Variants in SEMA6D observed in about 807,000 individuals in gnomAD.
The protein encoded by SEMA6D is semaphorin-6D.
A neutral mutation model predicts 106.6 loss-of-function variants in SEMA6D; 35 were observed. The ratio of observed to expected loss-of-function variants is 0.33; its 90% CI spans 0.25 to 0.44. The LOEUF (loss-of-function observed/expected upper bound fraction) is 0.44. Ranked by LOEUF, SEMA6D falls within the 20% of genes least tolerant of loss-of-function variation. The probability of loss-of-function intolerance (pLI) is 1.00; values close to 1 mark genes in which losing one functional copy is unlikely to be tolerated. For synonymous variants in SEMA6D, 499 were observed against 487.7 expected (o/e 1.02, Z -0.31); for missense variants, 1,185 against 1,345.9 (o/e 0.88, Z 1.87).
chr15:47,197,218 C>T (rs1034381430), intron 1 of SEMA6D, among the ~76,000 whole-genome samples: 2 of 152,156 alleles, frequency 1.3e-5, no homozygotes, highest in Non-Finnish European at 2.9e-5. Context: ...AGAAGAGTCT[C>T]TCCTCCTAGC....
At chr15:47,353,173 A>G (rs570485343) in intron 1 of SEMA6D, among the ~76,000 whole-genome samples, 1 of 152,256 alleles carries the variant, frequency 6.6e-6, no homozygotes, top group Non-Finnish European at 1.5e-5. Context: ...AGGGCCTCAC[A>G]AAAGATCCTG....
intron 3 of SEMA6D, among the ~76,000 whole-genome samples, chr15:47,595,583 G>A (rs1260674124): frequency 6.6e-6 from 1 of 152,100 alleles, no homozygotes; most frequent in African/African-American, 2.4e-5. Context: ...TGGTATCAGA[G>A]TAATGCTGGC....
intron 3 of SEMA6D, among the ~76,000 whole-genome samples, chr15:47,587,153 G>C (rs796729887): frequency 2.6e-5 from 4 of 152,232 alleles, no homozygotes; most frequent in African/African-American, 9.6e-5. Flanking sequence ...CCCAGCACAT[G>C]GGAGGAGCAA....
intron 4 of SEMA6D, among the ~76,000 whole-genome samples, chr15:47,712,064 T>G (rs1408125614): frequency 1.3e-5 from 2 of 152,260 alleles, no homozygotes; most frequent in African/African-American, 4.8e-5. Context: ...GGTCTTATTA[T>G]TCTTTACAAG....
At chr15:47,324,906 G>A (rs535023290) in intron 1 of SEMA6D, among the ~76,000 whole-genome samples, 1 of 151,992 alleles carries the variant, frequency 6.6e-6, no homozygotes, top group African/African-American at 2.4e-5. Context: ...AGTAAATATA[G>A]TTTAACCTCA....
chr15:47,442,400 A>G (rs768649956), intron 2 of SEMA6D, among the ~76,000 whole-genome samples: 44 of 152,008 alleles, frequency 2.9e-4, no homozygotes, highest in Non-Finnish European at 5.9e-5. Flanking sequence ...GGACAATTTT[A>G]TATCTGTTCT....
At chr15:47,741,436 G>C (rs376025529) in intron 1 of SEMA6D, among the ~76,000 whole-genome samples, 72 of 152,320 alleles carry the variant, frequency 4.7e-4, no homozygotes, top group African/African-American at 1.7e-3. Context: ...AAATAAGAAG[G>C]CCGGGCACAG....
chr15:47,542,107 T>G (rs997196288), intron 3 of SEMA6D, among the ~76,000 whole-genome samples: 1 of 152,192 alleles, frequency 6.6e-6, no homozygotes, highest in African/African-American at 2.4e-5. Flanking sequence ...GAACTGCAGG[T>G]GCACCTAAGA....
chr15:47,297,982 A>G (rs895799358), intron 1 of SEMA6D, among the ~76,000 whole-genome samples: 3 of 152,332 alleles, frequency 2.0e-5, no homozygotes, highest in Middle Eastern at 6.8e-3. Context: ...GATGTGAGGA[A>G]GGACCAGAAC....
At chr15:47,226,883 G>T (rs1478830274) in intron 1 of SEMA6D, among the ~76,000 whole-genome samples, 7 of 151,948 alleles carry the variant, frequency 4.6e-5, no homozygotes, top group African/African-American at 1.7e-4. Context: ...CAGATATTAC[G>T]CCAGCTTCTT....
intron 3 of SEMA6D, among the ~76,000 whole-genome samples, chr15:47,508,505 A>G (rs979886475): frequency 2.6e-5 from 4 of 152,194 alleles, no homozygotes; most frequent in Non-Finnish European, 5.9e-5. Flanking sequence ...ATTCACTACT[A>G]GAATTATTTC....
chr15:47,228,548 C>G (rs2031973948), intron 1 of SEMA6D, among the ~76,000 whole-genome samples: 1 of 151,924 alleles, frequency 6.6e-6, no homozygotes, highest in African/African-American at 2.4e-5. Context: ...GAAAAAATAG[C>G]TGATGTTCAC....
rs147200127 is a variant in SEMA6D, at chr15:47,735,886, T to C, written c.-55+18194T>C. Among the ~76,000 whole-genome samples, 48 of 152,310 alleles carry C rather than the reference T, an allele frequency of 3.2e-4. No individual in the cohort carries two copies. In the East Asian group the frequency reaches 9.1e-3, roughly 29 times the overall value. On this transcript the variant is annotated intron_variant, in intron 1 of 18. Transcript: ENST00000536845. Reference sequence around the variant, plus strand: ...TTGTACACATTTCATCACTTAACTATTAAACAATTTTTACTTTGACACTAA... The same window carrying C: ...TTGTACACATTTCATCACTTAACTACTAAACAATTTTTACTTTGACACTAA...
chr15:47,762,602 C>G (rs1353823036), intron 8 of SEMA6D, among the ~76,000 whole-genome samples: 5 of 152,058 alleles, frequency 3.3e-5, no homozygotes, highest in Non-Finnish European at 7.4e-5. Flanking sequence ...TCTAAATGCA[C>G]ATAATACTAC....
At chr15:47,553,397 C>T (rs897992929) in intron 3 of SEMA6D, among the ~76,000 whole-genome samples, 1 of 152,084 alleles carries the variant, frequency 6.6e-6, no homozygotes, top group South Asian at 2.1e-4. Context: ...TCTAAAGTGA[C>T]GGTGTCCCAG....
At chr15:47,501,844 G>A (rs868746069) in intron 3 of SEMA6D, among the ~76,000 whole-genome samples, 24 of 148,788 alleles carry the variant, frequency 1.6e-4, no homozygotes, top group Middle Eastern at 3.4e-3. Context: ...CTACTGGCTG[G>A]AGGAGATTTT....
chr15:47,520,620 C>T (rs527352798), intron 3 of SEMA6D, among the ~76,000 whole-genome samples: 1 of 152,332 alleles, frequency 6.6e-6, no homozygotes, highest in Non-Finnish European at 1.5e-5. Flanking sequence ...TCAGAAACTT[C>T]TGGAAGCTGG....
At chr15:47,476,868 C>A (rs2043017433) in intron 3 of SEMA6D, among the ~76,000 whole-genome samples, 1 of 152,154 alleles carries the variant, frequency 6.6e-6, no homozygotes, top group Admixed American at 6.6e-5. Flanking sequence ...CAGGTCGTAT[C>A]TTTAAATACA....
intron 4 of SEMA6D, among the ~76,000 whole-genome samples, chr15:47,702,594 T>C (rs2078834350): frequency 6.6e-6 from 1 of 152,238 alleles, no homozygotes; most frequent in South Asian, 2.1e-4. Flanking sequence ...TTGCTTATAA[T>C]GGCCAAAACC....
Sources: gnomAD v4.1 joint callset for allele counts (sites outside exome capture counted in the v4.1 genomes callset) on GRCh38, gnomAD v4.1.1 for gene constraint, MANE v1.5 for transcripts, NCBI Gene and HGNC (gene_info 2026-07-23, HGNC 2026-07-21) for gene names.